Variants in STK32C observed in about 807,000 individuals in gnomAD.
The protein encoded by STK32C is serine/threonine-protein kinase 32C.
STK32C carries 31 observed loss-of-function variants against 56.5 expected under a neutral mutation model. That is an observed-to-expected ratio of 0.55 (90% CI 0.41 to 0.74). STK32C has a LOEUF of 0.74. Among genes scored for constraint, STK32C ranks in the 30% least tolerant of loss-of-function variants. The probability of loss-of-function intolerance (pLI) is 0.00; values close to 1 mark genes in which losing one functional copy is unlikely to be tolerated. For missense variants in STK32C, 544 were observed against 676.9 expected (o/e 0.80, Z 2.18); for synonymous variants, 309 against 289.4 (o/e 1.07, Z -0.69).
rs1417421275 is a variant in STK32C at position 132,267,680 on chromosome 10, CAT to C, written c.263-21727_263-21726del. Among the ~76,000 whole-genome samples, 3 of 134,514 alleles carry C rather than the reference CAT, an allele frequency of 2.2e-5. 1 individual carries two copies. The highest frequency in any genetic ancestry group is 8.9e-5 in the African/African-American group (3 of 33,540). 88.2% of individuals were successfully genotyped at this position (134,514 alleles called of 152,430 possible). On this transcript the variant is annotated intron_variant, in intron 1 of 11. Transcript: ENST00000298630. ...ATGTGTGTGTGTGTCGGTGTGTGTG[CAT>C]GCATGTGCATGCAGGTTCAGCTCTA... is the stretch of plus-strand genomic sequence containing the variant.
At chr10:132,277,300 C>A (rs774794404) in intron 1 of STK32C, among the ~76,000 whole-genome samples, 1 of 152,184 alleles carries the variant, frequency 6.6e-6, no homozygotes, top group Non-Finnish European at 1.5e-5. Flanking sequence ...ACCTGGACTT[C>A]CCAAGTTGCA....
chr10:132,219,134 T>A (rs1590151817), intron 10 of STK32C, among the ~76,000 whole-genome samples: 1 of 152,322 alleles, frequency 6.6e-6, no homozygotes, highest in East Asian at 1.9e-4. Flanking sequence ...TGGTGGAGAA[T>A]GCACAGCCCT....
upstream of STK32C, among the ~76,000 whole-genome samples, chr10:132,312,255 C>G (rs1590486714): frequency 6.6e-6 from 1 of 152,116 alleles, no homozygotes; most frequent in South Asian, 2.1e-4. Flanking sequence ...GAAATCCACC[C>G]CACTCAGCCT....
chr10:132,279,837 C>T (rs1449785820), intron 1 of STK32C, among the ~76,000 whole-genome samples: 3 of 149,136 alleles, frequency 2.0e-5, no homozygotes, highest in East Asian at 2.0e-4. Flanking sequence ...TCTGTGATCA[C>T]GCCACTGCAC....
At chr10:132,314,676 GA>G (rs1183598755) in intron 1 of STK32C, among the ~76,000 whole-genome samples, 2 of 152,000 alleles carry the variant, frequency 1.3e-5, no homozygotes, top group East Asian at 1.9e-4. Flanking sequence ...TAAAAAGATG[GA>G]AAAAAGATAT....
At chr10:132,280,386 T>A (rs1267349940) in intron 1 of STK32C, among the ~76,000 whole-genome samples, 1 of 134,006 alleles carries the variant, frequency 7.5e-6, no homozygotes, top group African/African-American at 2.9e-5. Context: ...ATCACGACAC[T>A]CCACCCCGTG....
Position 132,222,641 on chromosome 10 carries a change from G to A in STK32C, c.1251C>T (p.Ser417=), listed in dbSNP as rs751068650. Residue 417 remains serine (S), a splice_region_variant and synonymous_variant, in exon 10 of 12, where the codon TCC becomes TCT. Transcript: ENST00000298630. ...SRDNSRDSSQ[S]ENDYLQDCLD... ...GCCCTGAGCCTGCCCTGGCACTCAC[G>A]GACTGGGAGCTGTCCCTGCTGTTGT... 9.9e-6 allele frequency: 16 copies of A among 1,612,088 alleles called. No homozygotes were observed. Among genetic ancestry groups the A allele is most frequent in the Admixed American group, 6.7e-5 (4 of 59,958 alleles).
At chr10:132,249,826 C>T (rs1193520355) in intron 1 of STK32C, among the ~76,000 whole-genome samples, 11 of 152,350 alleles carry the variant, frequency 7.2e-5, no homozygotes, top group African/African-American at 1.7e-4. Context: ...TGAGGGTCTC[C>T]GCACTGCCCC....
At chr10:132,235,621 C>G (rs968214994) in intron 2 of STK32C, among the ~76,000 whole-genome samples, 7 of 152,020 alleles carry the variant, frequency 4.6e-5, no homozygotes, top group African/African-American at 1.7e-4. Flanking sequence ...TCGGGGCCTC[C>G]AGGTGACGTG....
At chr10:132,291,001 C>A (rs532081958) in intron 1 of STK32C, among the ~76,000 whole-genome samples, 5 of 152,258 alleles carry the variant, frequency 3.3e-5, no homozygotes, top group African/African-American at 1.2e-4. Flanking sequence ...TGGCTCTCCC[C>A]TGCCTCCCTT....
intron 2 of STK32C, among the ~76,000 whole-genome samples, chr10:132,234,439 T>A (rs1343739833): frequency 6.6e-6 from 1 of 152,218 alleles, no homozygotes; most frequent in South Asian, 2.1e-4. Context: ...ACTTCGCTTT[T>A]TCTGCCTTGC....
chr10:132,211,347 GATGCAGAAC>G (rs2062293385), intron 10 of STK32C, among the ~76,000 whole-genome samples: 1 of 152,180 alleles, frequency 6.6e-6, no homozygotes, highest in Non-Finnish European at 1.5e-5. Context: ...GGGCGCCAGT[GATGCAGAAC>G]ATGAGCGCCC....
upstream of STK32C, among the ~76,000 whole-genome samples, chr10:132,311,442 C>A (rs987433823): frequency 6.6e-6 from 1 of 152,220 alleles, no homozygotes; most frequent in African/African-American, 2.4e-5. The surrounding 1 kb of genome is among the most constrained non-coding windows in gnomAD (Gnocchi z 4.4). Flanking sequence ...TCAGCCCTGG[C>A]GGGGCCTGGG....
intron 10 of STK32C, among the ~76,000 whole-genome samples, chr10:132,213,285 G>A (rs1316515759): frequency 6.6e-6 from 1 of 152,238 alleles, no homozygotes; most frequent in African/African-American, 2.4e-5. Context: ...AAGGGGCACA[G>A]GCCCCCAAGA....
chr10:132,290,015 T>A (rs953640458), intron 1 of STK32C, among the ~76,000 whole-genome samples: 1 of 152,186 alleles, frequency 6.6e-6, no homozygotes, highest in Non-Finnish European at 1.5e-5. Context: ...AGATGCATAA[T>A]TTTCTTGAAA....
chr10:132,325,536 G>C (rs531291624), intron 1 of STK32C, among the ~76,000 whole-genome samples: 2 of 148,514 alleles, frequency 1.3e-5, no homozygotes, highest in Admixed American at 1.4e-4. Context: ...CTGGGTGACA[G>C]AGCAAGAGTC....
chr10:132,303,455 C>T (rs567193555), intron 1 of STK32C, among the ~76,000 whole-genome samples: 1 of 152,240 alleles, frequency 6.6e-6, no homozygotes, highest in East Asian at 1.9e-4. Flanking sequence ...ACAAATTAAA[C>T]ACATCCATAG....
intron 1 of STK32C, among the ~76,000 whole-genome samples, chr10:132,285,507 G>A (rs7897791): frequency 0.33 from 49,917 of 152,134 alleles, 8,383 homozygotes; most frequent in Non-Finnish European, 0.37. Context: ...GGAAAAGGGT[G>A]GAAAATGATA....
chr10:132,244,746 C>T (rs1191808657), intron 2 of STK32C, among the ~76,000 whole-genome samples: 1 of 152,240 alleles, frequency 6.6e-6, no homozygotes, highest in Non-Finnish European at 1.5e-5. Flanking sequence ...AAACTCCATC[C>T]TGCCTGCCCC....
Sources: gnomAD v4.1 joint callset for allele counts (sites outside exome capture counted in the v4.1 genomes callset) on GRCh38, gnomAD v4.1.1 for gene constraint, Gnocchi (gnomAD v3.1) non-coding constraint, MANE v1.5 for transcripts, NCBI Gene and HGNC (gene_info 2026-07-23, HGNC 2026-07-21) for gene names.